The following RHBDD1 variants were observed in gnomAD, a reference collection of about 807,000 sequenced individuals.
The protein encoded by RHBDD1 is rhomboid domain containing 1, also known as rhomboid-related protein 4.
RHBDD1 carries 38 observed loss-of-function variants against 36.3 expected under a neutral mutation model. The observed-to-expected ratio is 1.05, with a 90% CI of 0.81 to 1.37. The LOEUF (loss-of-function observed/expected upper bound fraction) is 1.37. RHBDD1 is among the 40% of genes most tolerant of loss of function. The probability of loss-of-function intolerance (pLI) is 0.00; values close to 1 mark genes in which losing one functional copy is unlikely to be tolerated. For missense variants in RHBDD1, 393 were observed against 377.6 expected (o/e 1.04, Z -0.34); for synonymous variants, 151 against 136.5 (o/e 1.11, Z -0.74).
chr2:226,956,335 C>A (rs990532591), intron 8 of RHBDD1, among the ~76,000 whole-genome samples: 11 of 152,298 alleles, frequency 7.2e-5, no homozygotes, highest in African/African-American at 2.4e-4. Context: ...GCTAGCCAGT[C>A]ATCTGGCCTC....
In RHBDD1 at chr2:226,930,602, C is replaced by T. The variant is rs550260098; in HGVS notation, c.856+16251C>T. On this transcript the variant is annotated intron_variant, in intron 8 of 8. Coordinates refer to ENST00000392062, the MANE Select transcript of RHBDD1 (RefSeq NM_001167608.3). ...CTAGGCAAAGAATTTATGACTAAGA[C>T]CCCAAAAGCAAATGCAACAAAAACA... is the stretch of plus-strand genomic sequence containing the variant. Among the ~76,000 whole-genome samples the T allele has an allele frequency of 9.5e-4, 144 of 151,992 alleles. 1 individual carries two copies. Among genetic ancestry groups the T allele is most frequent in the African/African-American group, 3.3e-3 (138 of 41,494 alleles).
At chr2:226,810,138 T>C in the RHBDD1 span, among the ~76,000 whole-genome samples, 1 of 152,232 alleles carries the variant, frequency 6.6e-6, no homozygotes, top group Admixed American at 6.5e-5. Flanking sequence ...AAAACTTAAC[T>C]TCTAATAGCC....
At chr2:226,814,735 T>C in the RHBDD1 span, among the ~76,000 whole-genome samples, 7,572 of 152,264 alleles carry the variant, frequency 0.05, 293 homozygotes, top group Non-Finnish European at 0.073. Context: ...ACTGGGATTT[T>C]AATCCTGAGC....
chr2:226,808,381 T>C, the RHBDD1 span: 1 of 152,362 alleles, frequency 6.6e-6, no homozygotes, highest in East Asian at 1.9e-4. Context: ...TCTTTTATTA[T>C]GCTCTAGGAT....
At chr2:226,948,238 T>TA (rs2149201196) in intron 8 of RHBDD1, among the ~76,000 whole-genome samples, 2 of 147,370 alleles carry the variant, frequency 1.4e-5, no homozygotes, top group Admixed American at 6.8e-5. Context: ...TATGCAGCCA[T>TA]AAAAAATGAT....
At chr2:226,864,436 G>A (rs1457683795) in intron 3 of RHBDD1, among the ~76,000 whole-genome samples, 168 bp from the exon 4 acceptor site, 3 of 152,268 alleles carry the variant, frequency 2.0e-5, no homozygotes, top group South Asian at 4.1e-4. Flanking sequence ...AATGAAGGAA[G>A]GGTGTCAGTC....
chr2:226,821,772 T>G, the RHBDD1 span, among the ~76,000 whole-genome samples: 6,214 of 152,218 alleles, frequency 0.041, 438 homozygotes, highest in African/African-American at 0.14. Context: ...AAAATTATGG[T>G]GATTCTTATT....
intron 8 of RHBDD1, among the ~76,000 whole-genome samples, chr2:226,936,059 T>C (rs1950311994): frequency 6.6e-6 from 1 of 152,124 alleles, no homozygotes; most frequent in Non-Finnish European, 1.5e-5. Flanking sequence ...AGTAATTTGG[T>C]ATGTTCTCCC....
At chr2:226,914,468 A>G (rs1467219812) in intron 8 of RHBDD1, 117 bp downstream of exon 8, 3 of 1,194,490 alleles carry the variant, frequency 2.5e-6, no homozygotes, top group Non-Finnish European at 3.4e-6. Flanking sequence ...GGATATGTAG[A>G]TGAAAACTGT....
chr2:226,890,940 C>G (rs1946629512), intron 5 of RHBDD1, among the ~76,000 whole-genome samples: 1 of 152,144 alleles, frequency 6.6e-6, no homozygotes, highest in Admixed American at 6.5e-5. Context: ...TGATGAAACT[C>G]AGATTCTTAC....
chr2:226,981,596 A>T (rs1428933704), intron 8 of RHBDD1, among the ~76,000 whole-genome samples: 1 of 150,006 alleles, frequency 6.7e-6, no homozygotes, highest in Admixed American at 6.6e-5. Context: ...ACTTTCTCTA[A>T]TGGGGAACAA....
chr2:226,896,759 C>T (rs1006113282), intron 5 of RHBDD1, among the ~76,000 whole-genome samples: 1 of 149,846 alleles, frequency 6.7e-6, no homozygotes, highest in East Asian at 1.9e-4. Flanking sequence ...GTTTCTAAAT[C>T]CGTGCAGCAC....
Position 226,916,119 on chromosome 2 carries a change from T to C in RHBDD1, c.856+1768T>C, listed in dbSNP as rs145063134. ...AGAGTGCAGAAATAAACAAGTCTTA[T>C]GCTGGCACAATGTCAGTTCCACTGT... On this transcript the variant is annotated intron_variant, in intron 8 of 8. Transcript: ENST00000392062. Among the ~76,000 whole-genome samples, 15 of 152,332 alleles carry C rather than the reference T, an allele frequency of 9.8e-5. No homozygotes were observed. The East Asian group carries it at 2.9e-3, about 29-fold the overall frequency.
the RHBDD1 span, among the ~76,000 whole-genome samples, chr2:226,809,724 G>C: frequency 6.6e-6 from 1 of 152,106 alleles, no homozygotes; most frequent in Non-Finnish European, 1.5e-5. Context: ...TTAGACAAAA[G>C]TTTATATCTA....
intron 8 of RHBDD1, among the ~76,000 whole-genome samples, chr2:226,992,211 A>C (rs967945799): frequency 2.0e-5 from 3 of 152,224 alleles, no homozygotes; most frequent in Admixed American, 6.5e-5. Context: ...GACTGAGTGG[A>C]CAGCCAGGAA....
chr2:226,874,361 A>G (rs1945039214), intron 5 of RHBDD1, among the ~76,000 whole-genome samples: 1 of 152,176 alleles, frequency 6.6e-6, no homozygotes, highest in Non-Finnish European at 1.5e-5. Flanking sequence ...AGTAGACAGC[A>G]TCTTTATTAG....
At chr2:226,847,892 G>C (rs374019171) in intron 3 of RHBDD1, among the ~76,000 whole-genome samples, 14 of 152,124 alleles carry the variant, frequency 9.2e-5, no homozygotes, top group African/African-American at 2.7e-4. Flanking sequence ...GTAGGGCTTG[G>C]GGGTGAAGGA....
chr2:226,973,860 G>A (rs1265033872), intron 8 of RHBDD1, among the ~76,000 whole-genome samples: 1 of 152,198 alleles, frequency 6.6e-6, no homozygotes, highest in Non-Finnish European at 1.5e-5. Context: ...AGGCTACTGT[G>A]TGTTAGAATT....
chr2:226,969,998 C>CT (rs1406963733), intron 8 of RHBDD1, among the ~76,000 whole-genome samples: 1 of 123,020 alleles, frequency 8.1e-6, no homozygotes, highest in Non-Finnish European at 1.6e-5. Context: ...GTCCCCCCCC[C>CT]CTTAATTTTT....
Sources: gnomAD v4.1 joint callset for allele counts (sites outside exome capture counted in the v4.1 genomes callset) on GRCh38, gnomAD v4.1.1 for gene constraint, MANE v1.5 for transcripts, NCBI Gene and HGNC (gene_info 2026-07-23, HGNC 2026-07-21) for gene names.